KALRN: variants seen among roughly 807,000 people sequenced by gnomAD.
KALRN encodes kalirin RhoGEF kinase, also known as kalirin.
Under a neutral mutation model 353.7 loss-of-function variants are expected in KALRN, and 70 were observed. The ratio of observed to expected loss-of-function variants is 0.20; its 90% CI spans 0.16 to 0.24. The LOEUF (loss-of-function observed/expected upper bound fraction) is 0.24. KALRN is among the 10% of genes least tolerant of loss of function. KALRN has a pLI of 1.00. For missense variants in KALRN, 2,791 were observed against 3,756.7 expected (o/e 0.74, Z 6.72); for synonymous variants, 1,391 against 1,434.8 (o/e 0.97, Z 0.69).
At chr3:124,716,722 C>T (rs2063150872) in intron 58 of KALRN, among the ~76,000 whole-genome samples, 1 of 152,222 alleles carries the variant, frequency 6.6e-6, no homozygotes, top group African/African-American at 2.4e-5. Context: ...AAGAGGATCA[C>T]TTGAGTCCAG....
At chr3:124,211,204 C>G (rs1156759572) in intron 1 of KALRN, among the ~76,000 whole-genome samples, 2 of 152,228 alleles carry the variant, frequency 1.3e-5, no homozygotes, top group Non-Finnish European at 1.5e-5. Context: ...AAGGCACACA[C>G]ATAGTCTCAG....
chr3:124,371,433 C>A (rs2085820776), intron 10 of KALRN, among the ~76,000 whole-genome samples: 1 of 152,038 alleles, frequency 6.6e-6, no homozygotes, highest in African/African-American at 2.4e-5. Flanking sequence ...GATTTCATTT[C>A]CTTTGGATAT....
chr3:124,328,982 G>A (rs960110988), intron 7 of KALRN, among the ~76,000 whole-genome samples: 1 of 152,100 alleles, frequency 6.6e-6, no homozygotes, highest in African/African-American at 2.4e-5. Context: ...GCTGTTCTTG[G>A]CAATGGGATA....
At chr3:124,716,095 A>T (rs2063120588) in intron 58 of KALRN, among the ~76,000 whole-genome samples, 1 of 152,198 alleles carries the variant, frequency 6.6e-6, no homozygotes, top group African/African-American at 2.4e-5. Flanking sequence ...ACAGAGTTCA[A>T]ATGACTTGCT....
At chr3:124,444,839 G>A (rs2093783269) in intron 19 of KALRN, among the ~76,000 whole-genome samples, 2 of 150,114 alleles carry the variant, frequency 1.3e-5, no homozygotes, top group Non-Finnish European at 3.0e-5. Flanking sequence ...GAAAGAAAGA[G>A]AGAGAAAGAA....
At chr3:124,628,513 TC>T (rs140534275) in intron 34 of KALRN, among the ~76,000 whole-genome samples, 2 of 80,104 alleles carry the variant, frequency 2.5e-5, no homozygotes, top group Non-Finnish European at 2.8e-5. Context: ...TTCCCTTCCT[TC>T]CCTTCCTTTC....
intron 10 of KALRN, among the ~76,000 whole-genome samples, chr3:124,354,291 C>A (rs1456210555): frequency 6.6e-6 from 1 of 152,150 alleles, no homozygotes; most frequent in Non-Finnish European, 1.5e-5. Context: ...CATGTGATGG[C>A]AGTAACTACA....
At chr3:124,130,555 C>T (rs1041644624) in intron 1 of KALRN, among the ~76,000 whole-genome samples, 3 of 152,026 alleles carry the variant, frequency 2.0e-5, no homozygotes, top group African/African-American at 4.8e-5. Context: ...TATATTTATA[C>T]AGCACTTTAA....
intron 1 of KALRN, among the ~76,000 whole-genome samples, chr3:124,151,032 A>G (rs2068034318): frequency 6.6e-6 from 1 of 152,200 alleles, no homozygotes; most frequent in Admixed American, 6.5e-5. Context: ...CATGTTGTGT[A>G]TAGCAATTTA....
chr3:124,523,362 T>A (rs1469306289), intron 33 of KALRN, among the ~76,000 whole-genome samples: 2 of 152,238 alleles, frequency 1.3e-5, no homozygotes, highest in Non-Finnish European at 2.9e-5. Context: ...ATTAACTATG[T>A]CACGTCCTAG....
intron 1 of KALRN, among the ~76,000 whole-genome samples, chr3:124,200,756 C>T (rs1004901699): frequency 6.6e-6 from 1 of 152,132 alleles, no homozygotes; most frequent in African/African-American, 2.4e-5. Flanking sequence ...ATTTTTTTCA[C>T]AGCTTTTCAC....
chr3:124,168,922 TGATTAGACAAA>T (rs2071306162), intron 1 of KALRN, among the ~76,000 whole-genome samples: 1 of 152,150 alleles, frequency 6.6e-6, no homozygotes, highest in Non-Finnish European at 1.5e-5. Context: ...CAAAGGCACA[TGATTAGACAAA>T]CACCCAAACA....
chr3:124,326,278 T>C, intron 7 of KALRN, 107 bp downstream of exon 7: 2 of 849,656 alleles, frequency 2.4e-6, no homozygotes, highest in South Asian at 5.3e-5. Context: ...GCTCCACCTG[T>C]CTTTTTGAAA....
chr3:124,637,815 A>C (rs3755682), intron 37 of KALRN, among the ~76,000 whole-genome samples: 43,881 of 152,090 alleles, frequency 0.29, 6,528 homozygotes, highest in East Asian at 0.44. Context: ...TAAGAGAGTC[A>C]GTGCCTAGCC....
At chr3:124,418,116 T>G (rs535984338) in intron 14 of KALRN, among the ~76,000 whole-genome samples, 1 of 151,622 alleles carries the variant, frequency 6.6e-6, no homozygotes, top group East Asian at 1.9e-4. Context: ...TTTACTAGTG[T>G]CAAAAAGGAA....
chr3:124,096,974 A>G (rs2061492239), intron 1 of KALRN, among the ~76,000 whole-genome samples: 1 of 152,156 alleles, frequency 6.6e-6, no homozygotes, highest in African/African-American at 2.4e-5. Flanking sequence ...GTTTATGTGT[A>G]TTTCTATCTA....
At chr3:124,184,706 A>G (rs908236292) in intron 1 of KALRN, among the ~76,000 whole-genome samples, 1 of 152,042 alleles carries the variant, frequency 6.6e-6, no homozygotes, top group Non-Finnish European at 1.5e-5. Flanking sequence ...TCTTTTATTC[A>G]TTTACCGCAA....
At chr3:124,495,984 T>TATAC (rs1561136590) in intron 32 of KALRN, among the ~76,000 whole-genome samples, 1,388 of 46,952 alleles carry the variant, frequency 0.03, 152 homozygotes, top group South Asian at 0.045. Flanking sequence ...TATATATATA[T>TATAC]ATATATATAT....
At chr3:124,074,025 GC>G (rs945743423) in intron 1 of KALRN, among the ~76,000 whole-genome samples, 22 of 152,030 alleles carry the variant, frequency 1.4e-4, no homozygotes, top group African/African-American at 5.1e-4. Context: ...CAGAGATAGA[GC>G]AAAGAAAGTG....
Sources: allele counts gnomAD v4.1 joint callset (sites outside exome capture counted in the v4.1 genomes callset), GRCh38; gene constraint gnomAD v4.1.1; transcripts MANE v1.5; gene names NCBI Gene and HGNC (gene_info 2026-07-23, HGNC 2026-07-21).